The following NUBPL variants were observed in gnomAD, a reference collection of about 807,000 sequenced individuals.
The protein encoded by NUBPL is iron-sulfur cluster transfer protein NUBPL.
NUBPL carries 31 observed loss-of-function variants against 45.7 expected under a neutral mutation model. The observed-to-expected ratio is 0.68, with a 90% CI of 0.51 to 0.92. The LOEUF (loss-of-function observed/expected upper bound fraction) is 0.92. NUBPL is among the 40% of genes least tolerant of loss of function. The pLI is 0.00. For synonymous variants in NUBPL, 144 were observed against 140.9 expected (o/e 1.02, Z -0.15); for missense variants, 401 against 398.7 (o/e 1.01, Z -0.05).
chr14:31,706,465 C>G (rs980416604), intron 6 of NUBPL, among the ~76,000 whole-genome samples: 1 of 152,158 alleles, frequency 6.6e-6, no homozygotes, highest in African/African-American at 2.4e-5. Context: ...AAGATGGCTG[C>G]CATGGGACCT....
At chr14:31,744,620 T>G (rs1439205909) in intron 6 of NUBPL, among the ~76,000 whole-genome samples, 1 of 46,376 alleles carries the variant, frequency 2.2e-5, no homozygotes, top group Non-Finnish European at 4.0e-5. Context: ...GTAGAATCTT[T>G]TTTTTTTTTT....
At chr14:31,755,326 G>A (rs1160352467) in intron 6 of NUBPL, among the ~76,000 whole-genome samples, 3 of 152,142 alleles carry the variant, frequency 2.0e-5, no homozygotes, top group African/African-American at 7.2e-5. Context: ...CAGTGTAAAA[G>A]TGTTCCTATT....
chr14:31,785,110 G>T (rs543957931), intron 6 of NUBPL, among the ~76,000 whole-genome samples: 1 of 152,064 alleles, frequency 6.6e-6, no homozygotes, highest in African/African-American at 2.4e-5. Context: ...ACTCTACACC[G>T]TCTGACCTTG....
At chr14:31,694,155 A>G (rs2139872065) in intron 6 of NUBPL, among the ~76,000 whole-genome samples, 1 of 152,248 alleles carries the variant, frequency 6.6e-6, no homozygotes, top group South Asian at 2.1e-4. Context: ...GTGCCTGGCC[A>G]ACATGAGGTA....
intron 6 of NUBPL, among the ~76,000 whole-genome samples, chr14:31,736,574 T>C (rs2038170991): frequency 6.6e-6 from 1 of 152,238 alleles, no homozygotes; most frequent in African/African-American, 2.4e-5. Flanking sequence ...AGTATTACAC[T>C]GTATTATGTA....
rs567140364 is a variant in NUBPL, at chr14:31,732,142, C to T, written c.514-55638C>T. Among the ~76,000 whole-genome samples, 32 of 142,244 alleles carry T rather than the reference C, an allele frequency of 2.2e-4. No individual in the cohort carries two copies. The South Asian group carries it at 2.5e-3, about 11-fold the overall frequency. The allele number at this position is 142,244 out of a possible 152,430, so 93.3% of individuals were successfully genotyped here. A position where few individuals can be genotyped will look rare whatever the true frequency, so the allele number is the denominator to read the frequency against. ...CCAGGAGGCAGAGCTTGCAGTGAGC[C>T]GAGATCGCGCCACTGCACTCCAGCC... On this transcript the variant is annotated intron_variant, in intron 6 of 10. Coordinates refer to ENST00000281081, the MANE Select transcript of NUBPL (RefSeq NM_025152.3).
intron 6 of NUBPL, among the ~76,000 whole-genome samples, chr14:31,688,347 G>A (rs2037003929): frequency 1.3e-5 from 2 of 152,096 alleles, no homozygotes; most frequent in African/African-American, 2.4e-5. Context: ...GCAGGCCGAA[G>A]TGGGCAGATC....
intron 6 of NUBPL, among the ~76,000 whole-genome samples, chr14:31,767,069 C>G (rs767924349): frequency 2.0e-5 from 3 of 152,126 alleles, no homozygotes; most frequent in Admixed American, 2.0e-4. Context: ...GTGCCCCCCT[C>G]AAAGCCCCAT....
chr14:31,849,211 T>C (rs1324551320), intron 9 of NUBPL, among the ~76,000 whole-genome samples: 1 of 152,236 alleles, frequency 6.6e-6, no homozygotes, highest in East Asian at 1.9e-4. Flanking sequence ...TTAAATTTCC[T>C]GACATGGTGC....
intron 6 of NUBPL, among the ~76,000 whole-genome samples, chr14:31,754,591 CTTTTTTTTT>C (rs59085679): frequency 2.9e-5 from 3 of 103,700 alleles, no homozygotes; most frequent in Non-Finnish European, 5.8e-5. Context: ...AGAGGGTTTT[CTTTTTTTTT>C]TTTTTTTTTT....
At chr14:31,598,513 G>C (rs114018153) in intron 3 of NUBPL, among the ~76,000 whole-genome samples, 1 of 151,326 alleles carries the variant, frequency 6.6e-6, no homozygotes, top group African/African-American at 2.5e-5. Flanking sequence ...AAAGAAGAGA[G>C]GGGAAGAAGA....
intron 4 of NUBPL, among the ~76,000 whole-genome samples, chr14:31,628,660 A>G (rs1261700114): frequency 6.6e-6 from 1 of 152,166 alleles, no homozygotes; most frequent in East Asian, 1.9e-4. Context: ...CTTCCAAGTA[A>G]AAATGATGTT....
intron 9 of NUBPL, 102 bp from the exon 10 acceptor site, chr14:31,850,017 A>C (rs370317667): frequency 4.8e-6 from 4 of 829,876 alleles, no homozygotes; most frequent in Non-Finnish European, 8.2e-6. Context: ...ATTTGAATCA[A>C]TTTAGTTCCG....
chr14:31,605,277 A>G (rs978699126), intron 4 of NUBPL, among the ~76,000 whole-genome samples: 2 of 152,234 alleles, frequency 1.3e-5, no homozygotes, highest in African/African-American at 4.8e-5. Context: ...AGTAGATATT[A>G]GTAGAAATAT....
intron 6 of NUBPL, among the ~76,000 whole-genome samples, chr14:31,775,094 G>A (rs1481399159): frequency 6.6e-6 from 1 of 152,158 alleles, no homozygotes; most frequent in Non-Finnish European, 1.5e-5. Context: ...GAATGGCTTT[G>A]CACAACAGCT....
rs1219627848 is a variant in NUBPL, at chr14:31,729,288, C to A, written c.513+55714C>A. On this transcript the variant is annotated intron_variant, in intron 6 of 10. Coordinates refer to ENST00000281081, the MANE Select transcript of NUBPL (RefSeq NM_025152.3). ...AGAGATGCTCCATCCCCCCCCCCCC[C>A]AAAAAAAAAGTCATTCAACAAATAT... is the stretch of plus-strand genomic sequence containing the variant. Among the ~76,000 whole-genome samples the A allele has an allele frequency of 9.7e-4, 129 of 132,750 alleles. 1 individual carries two copies. The highest frequency in any genetic ancestry group is 2.3e-3 in the East Asian group (11 of 4,844). The allele number at this position is 132,750 out of a possible 152,430, so 87.1% of individuals were successfully genotyped here.
chr14:31,844,937 T>A (rs992487477), intron 8 of NUBPL: 7 of 152,226 alleles, frequency 4.6e-5, no homozygotes, highest in African/African-American at 1.7e-4. Context: ...GCCTATCTAT[T>A]TATTCAACAG....
chr14:31,702,427 G>A (rs961178823), intron 6 of NUBPL, among the ~76,000 whole-genome samples: 2 of 152,152 alleles, frequency 1.3e-5, no homozygotes, highest in Admixed American at 6.5e-5. Context: ...TTACTACATG[G>A]CTAGCTCAAG....
intron 3 of NUBPL, among the ~76,000 whole-genome samples, chr14:31,572,773 T>G (rs913782321): frequency 3.3e-5 from 5 of 152,156 alleles, no homozygotes; most frequent in African/African-American, 1.2e-4. Context: ...ATGAACTGCG[T>G]AGAGTGTACT....
Sources: allele counts gnomAD v4.1 joint callset (sites outside exome capture counted in the v4.1 genomes callset), GRCh38; gene constraint gnomAD v4.1.1; transcripts MANE v1.5; gene names NCBI Gene and HGNC (gene_info 2026-07-23, HGNC 2026-07-21).